The following TET2 variants were observed in gnomAD, a reference collection of about 807,000 sequenced individuals.
TET2 encodes tet methylcytosine dioxygenase 2, also known as methylcytosine dioxygenase TET2.
In TET2, 299 loss-of-function variants were observed where a neutral mutation model predicts 142.9. The ratio of observed to expected loss-of-function variants is 2.09; its 90% CI spans 1.90 to 2.30. The LOEUF (loss-of-function observed/expected upper bound fraction) is 2.30. TET2 is among the 30% of genes most tolerant of loss of function. The pLI is 0.00. For synonymous variants in TET2, 819 were observed against 849.0 expected, an observed-to-expected ratio of 0.96 and a Z score of 0.61; for missense variants, 2,418 against 2,378.0, an observed-to-expected ratio of 1.02 and a Z score of -0.35.
intron 6 of TET2, among the ~76,000 whole-genome samples, chr4:105,249,055 T>G (rs1729730632): frequency 6.7e-6 from 1 of 149,692 alleles, no homozygotes; most frequent in African/African-American, 2.5e-5. Context: ...TGAGACAGAG[T>G]CTCGCTCTGT....
In TET2 at chr4:105,269,637, T is replaced by C; in HGVS notation, c.4072T>C (p.Cys1358Arg). ...TGAATATGAACACAGAGCACCAGAGTGCCGTCTGGGTCTGAAGGAAGGCCG... is the reference window on the plus strand; with the variant it reads ...TGAATATGAACACAGAGCACCAGAGCGCCGTCTGGGTCTGAAGGAAGGCCG... ...QIEYEHRAPE[C>R]RLGLKEGRPF... is the part of the protein sequence containing the mutation. Residue 1358 changes from cysteine to arginine, a missense_variant, in exon 9 of 11, where the codon TGC (cysteine) becomes CGC (arginine). Coordinates refer to ENST00000380013, the MANE Select transcript of TET2 (RefSeq NM_001127208.3). The C allele has an allele frequency of 6.4e-7, 1 of 1,551,506 alleles. No individual in the cohort carries two copies. The highest frequency in any genetic ancestry group is 8.7e-7 in the Non-Finnish European group (1 of 1,146,912).
intron 1 of TET2, among the ~76,000 whole-genome samples, chr4:105,153,409 C>G (rs982403621): frequency 6.6e-6 from 1 of 152,078 alleles, no homozygotes; most frequent in Non-Finnish European, 1.5e-5. Context: ...AAAAGTTTAG[C>G]AATTTATCAA....
intron 3 of TET2, 140 bp from the exon 4 acceptor site, chr4:105,241,199 C>A: frequency 7.5e-7 from 1 of 1,327,822 alleles, no homozygotes; most frequent in Non-Finnish European, 9.7e-7. Context: ...GTCCATCAAT[C>A]TACTCATTTT....
At chr4:105,271,572 G>T (rs773245772) in intron 9 of TET2, among the ~76,000 whole-genome samples, 1 of 152,152 alleles carries the variant, frequency 6.6e-6, no homozygotes, top group Non-Finnish European at 1.5e-5. Flanking sequence ...TGAATTTGAA[G>T]ACTTCTGTGC....
chr4:105,224,684 GTCTCTCTCTCTCTCTCTCTCTCTCTC>G (rs34870510), intron 2 of TET2, among the ~76,000 whole-genome samples: 1 of 108,106 alleles, frequency 9.3e-6, no homozygotes, highest in Non-Finnish European at 1.9e-5. Flanking sequence ...ATATCAGCCA[GTCTCTCTCTCTCTCTCTCTCTCTCTC>G]TCTCTCTCTC....
Position 105,279,406 on chromosome 4 carries a change from C to G in TET2, c.*2887C>G, listed in dbSNP as rs558005728. ...CAGTTAGAATGAATGGAAAGCAGAT[C>G]TACAATTTGCTAATATAGGAATATC... On this transcript the variant is annotated 3_prime_UTR_variant, in exon 11 of 11. Transcript: ENST00000380013. 153 of 232,388 alleles carry G rather than the reference C, an allele frequency of 6.6e-4. No homozygotes were observed. Among genetic ancestry groups the G allele is most frequent in the Admixed American group, 1.4e-3 (24 of 17,758 alleles). The allele number at this position is 232,388 out of a possible 1,614,324, so 14.4% of individuals were successfully genotyped here.
intron 2 of TET2, among the ~76,000 whole-genome samples, chr4:105,204,545 C>T (rs1470889433): frequency 2.0e-5 from 3 of 152,054 alleles, no homozygotes; most frequent in African/African-American, 7.2e-5. Context: ...ATTTAAATGA[C>T]ATTAAGAGTT....
At chr4:105,230,507 G>C (rs913297480) in intron 2 of TET2, among the ~76,000 whole-genome samples, 1 of 152,132 alleles carries the variant, frequency 6.6e-6, no homozygotes, top group African/African-American at 2.4e-5. Context: ...ATAGTATCAA[G>C]CTTACTGATC....
intron 2 of TET2, among the ~76,000 whole-genome samples, chr4:105,205,645 T>G (rs564461883): frequency 1.3e-5 from 2 of 152,100 alleles, no homozygotes; most frequent in South Asian, 4.2e-4. Flanking sequence ...TTTATTTTTC[T>G]TTTTTTTGAG....
chr4:105,255,961 T>C (rs1035439634), intron 6 of TET2, among the ~76,000 whole-genome samples: 1 of 152,100 alleles, frequency 6.6e-6, no homozygotes, highest in African/African-American at 2.4e-5. Flanking sequence ...AACTAACTTA[T>C]AACAGCTAGT....
chr4:105,181,953 A>G (rs1578572351), intron 1 of TET2, among the ~76,000 whole-genome samples: 1 of 152,036 alleles, frequency 6.6e-6, no homozygotes, highest in African/African-American at 2.4e-5. Flanking sequence ...GTTCAACCTC[A>G]TACTTTCATT....
chr4:105,244,448 G>A (rs1729473587), intron 6 of TET2, among the ~76,000 whole-genome samples: 1 of 152,038 alleles, frequency 6.6e-6, no homozygotes, highest in Non-Finnish European at 1.5e-5. Context: ...CTAATGTTTT[G>A]TTTTAAACAC....
intron 6 of TET2, among the ~76,000 whole-genome samples, chr4:105,246,876 T>A (rs1729608320): frequency 6.6e-6 from 1 of 152,192 alleles, no homozygotes; most frequent in Non-Finnish European, 1.5e-5. Flanking sequence ...TAAAAACTGA[T>A]TTTTACATTT....
intron 1 of TET2, among the ~76,000 whole-genome samples, chr4:105,169,564 G>T (rs942166479): frequency 3.9e-5 from 6 of 152,142 alleles, no homozygotes; most frequent in Non-Finnish European, 7.4e-5. Flanking sequence ...CTATTGCTGT[G>T]CAGAGGCTCT....
Position 105,276,190 on chromosome 4 carries a change from C to G in TET2, c.5680C>G (p.Pro1894Ala). 6.4e-7 allele frequency: 1 copy of G among 1,551,602 alleles called. No individual in the cohort carries two copies. Among genetic ancestry groups the G allele is most frequent in the Non-Finnish European group, 8.7e-7 (1 of 1,146,988 alleles). Residue 1894 changes from proline to alanine, a missense_variant, in exon 11 of 11, where the codon CCC (proline) becomes GCC (alanine). Physicochemically the swap from Pro to Ala is conservative, Grantham distance 27 (BLOSUM62 -1). Coordinates refer to ENST00000380013, the MANE Select transcript of TET2 (RefSeq NM_001127208.3). ...TTTAAAGAATCCCAATAGGAATCAC[C>G]CCACCAGGATCTCCCTCGTCTTTTA... The part of the protein sequence containing the change: ...TPLKNPNRNH[P>A]TRISLVFYQH...
rs1285464190 is a variant in TET2 at position 105,275,469 on chromosome 4, T to G, written c.4959T>G (p.Ser1653=). 1.3e-6 allele frequency: 2 copies of G among 1,551,720 alleles called. No homozygotes were observed. Among genetic ancestry groups the G allele is most frequent in the Non-Finnish European group, 1.7e-6 (2 of 1,146,980 alleles). ...ATCTGGGTTCCTATTCTCCCCAGTCTCAGCCGATGGATCTGTATAGGTATC... is the reference window on the plus strand; with the variant it reads ...ATCTGGGTTCCTATTCTCCCCAGTCGCAGCCGATGGATCTGTATAGGTATC... ...SPYLGSYSPQ[S]QPMDLYRYPS... Residue 1653 remains serine (S), a synonymous_variant, in exon 11 of 11, where the codon TCT becomes TCG. Transcript: ENST00000380013.
chr4:105,257,980 C>A (rs975522012), intron 6 of TET2, among the ~76,000 whole-genome samples: 1 of 151,976 alleles, frequency 6.6e-6, no homozygotes, highest in East Asian at 1.9e-4. Context: ...TAGAGTATAT[C>A]CAACCAGTCT....
intron 1 of TET2, among the ~76,000 whole-genome samples, chr4:105,169,444 A>G (rs967542633): frequency 6.6e-6 from 1 of 151,694 alleles, no homozygotes; most frequent in African/African-American, 2.4e-5. Flanking sequence ...TTTCCTTGCT[A>G]ATTTGTTGGA....
intron 2 of TET2, among the ~76,000 whole-genome samples, chr4:105,230,864 G>GT (rs1728470130): frequency 6.6e-6 from 1 of 151,902 alleles, no homozygotes; most frequent in Admixed American, 6.6e-5. Context: ...TTCTCAGATT[G>GT]TTTTTAACTT....
Sources: allele counts gnomAD v4.1 joint callset (sites outside exome capture counted in the v4.1 genomes callset), GRCh38; gene constraint gnomAD v4.1.1; transcripts MANE v1.5; gene names NCBI Gene and HGNC (gene_info 2026-07-23, HGNC 2026-07-21).